The following POU2AF1 variants were observed in gnomAD, a reference collection of about 807,000 sequenced individuals.
POU2AF1 encodes the protein POU domain class 2-associating factor 1.
In POU2AF1, 12 loss-of-function variants were observed where a neutral mutation model predicts 26.3. The ratio of observed to expected loss-of-function variants is 0.46; its 90% CI spans 0.29 to 0.74. The LOEUF (loss-of-function observed/expected upper bound fraction) is 0.74, where lower values mean the gene tolerates loss of function less well. POU2AF1 is among the 30% of genes least tolerant of loss of function. POU2AF1 has a pLI of 0.09. For synonymous variants in POU2AF1, 175 were observed against 148.0 expected, an observed-to-expected ratio of 1.18 and a Z score of -1.32; for missense variants, 297 against 334.5, an observed-to-expected ratio of 0.89 and a Z score of 0.87.
intron 1 of POU2AF1, among the ~76,000 whole-genome samples, chr11:111,359,687 T>A (rs943811395): frequency 6.6e-6 from 1 of 152,218 alleles, no homozygotes; most frequent in Admixed American, 6.5e-5. Context: ...TTCAAAAAAA[T>A]TCAGTCTATT....
rs1426937711 is a variant in POU2AF1, at chr11:111,352,885, A to G, written c.*1376T>C. The G allele has an allele frequency of 1.1e-5, 2 of 176,400 alleles. No homozygotes were observed. Among genetic ancestry groups the G allele is most frequent in the Non-Finnish European group, 2.4e-5 (2 of 82,166 alleles). The allele number at this position is 176,400 out of a possible 1,614,324, so 10.9% of individuals were successfully genotyped here. On this transcript the variant is annotated 3_prime_UTR_variant, in exon 5 of 5. Coordinates refer to ENST00000393067, the MANE Select transcript of POU2AF1 (RefSeq NM_006235.3). ...GGAGACAGAGGTGCAGTGAGCCAAG[A>G]TCGCACCATTGTACTCCAGCCTGGG...
chr11:111,371,640 C>T (rs1053965188), intron 1 of POU2AF1, among the ~76,000 whole-genome samples: 2 of 152,106 alleles, frequency 1.3e-5, no homozygotes, highest in African/African-American at 2.4e-5. Context: ...AGAGGACATA[C>T]AAATTGTAAT....
chr11:111,355,369 C>A (rs1860823114), intron 4 of POU2AF1, among the ~76,000 whole-genome samples: 1 of 152,236 alleles, frequency 6.6e-6, no homozygotes, highest in Non-Finnish European at 1.5e-5. Context: ...CCCTCACAAA[C>A]CTCAGATCAG....
In POU2AF1 at chr11:111,374,116, A is replaced by ATTTTTTTTTTTTTTTTTTTTTT. The variant is rs60260380; in HGVS notation, c.16+5045_16+5046insAAAAAAAAAAAAAAAAAAAAAA. On this transcript the variant is annotated intron_variant, in intron 1 of 4. Transcript: ENST00000393067. The stretch of plus-strand genomic sequence containing the variant: ...TAATGAACAGCTGTAGGCAAACTTG[A>ATTTTTTTTTTTTTTTTTTTTTT]TTTTTTTTTTTTTTTTTTTTGGTTC... 1.8e-5 allele frequency among the ~76,000 whole-genome samples: 2 copies of ATTTTTTTTTTTTTTTTTTTTTT among 109,648 alleles called. 1 individual carries two copies. Among genetic ancestry groups the ATTTTTTTTTTTTTTTTTTTTTT allele is most frequent in the African/African-American group, 6.5e-5 (2 of 30,638 alleles). 71.9% of individuals were successfully genotyped at this position (109,648 alleles called of 152,430 possible).
intron 1 of POU2AF1, among the ~76,000 whole-genome samples, chr11:111,377,039 T>C (rs1487299445): frequency 6.6e-6 from 1 of 152,134 alleles, no homozygotes. Flanking sequence ...TTGATCTATC[T>C]GACTGGTCTC....
At chr11:111,363,876 ATCCAAGAG>A (rs1339695661) in intron 1 of POU2AF1, 21 of 985,298 alleles carry the variant, frequency 2.1e-5, no homozygotes, top group Non-Finnish European at 2.5e-5. Context: ...TCCCGTAGGT[ATCCAAGAG>A]TCCATCACGG....
chr11:111,375,188 AAAC>A (rs1388163725), intron 1 of POU2AF1, among the ~76,000 whole-genome samples: 2 of 152,304 alleles, frequency 1.3e-5, no homozygotes, highest in African/African-American at 2.4e-5. Flanking sequence ...TCCCTAATAC[AAAC>A]AACAACAATA....
chr11:111,360,445 C>A (rs1860984389), intron 1 of POU2AF1, among the ~76,000 whole-genome samples: 1 of 152,204 alleles, frequency 6.6e-6, no homozygotes, highest in African/African-American at 2.4e-5. Context: ...AAGGCCTGGC[C>A]TTGAAGCCCA....
rs1479184952 is a variant in POU2AF1 at position 111,358,789 on chromosome 11, G to A, written c.146C>T (p.Ala49Val). Residue 49 changes from alanine (A) to valine (V), a missense_variant and splice_region_variant, in exon 2 of 5, where the codon GCG becomes GTG. Transcript: ENST00000393067. ...ASSGAAPAPTAVVLPHQPLAT... is the reference protein window; with the variant it reads ...ASSGAAPAPTVVVLPHQPLAT... ...ACTCTCACACACACAAACTCTCACCGCCGTAGGTGCAGGTGCTGCCCCACT... is the reference window on the plus strand; with the variant it reads ...ACTCTCACACACACAAACTCTCACCACCGTAGGTGCAGGTGCTGCCCCACT... 1.9e-6 allele frequency: 3 copies of A among 1,587,124 alleles called. No individual in the cohort carries two copies. The highest frequency in any genetic ancestry group is 2.6e-6 in the Non-Finnish European group (3 of 1,170,738).
At chr11:111,363,836 T>G (rs1190062864) in intron 1 of POU2AF1, 1 of 985,280 alleles carries the variant, frequency 1.0e-6, no homozygotes, top group African/African-American at 1.7e-5. Context: ...TTCTCACCAT[T>G]AATCCTGTGG....
intron 1 of POU2AF1, among the ~76,000 whole-genome samples, chr11:111,362,726 A>G (rs1202555592): frequency 6.6e-6 from 1 of 152,128 alleles, no homozygotes; most frequent in African/African-American, 2.4e-5. Flanking sequence ...AGTCTGAGGC[A>G]TTGTGTACTC....
In POU2AF1 at chr11:111,354,472, G is replaced by C; in HGVS notation, c.560C>G (p.Pro187Arg). The change falls in exon 5 of 5, where the codon CCC (proline) becomes CGC (arginine). Residue 187 changes from proline (P) to arginine (R), a missense_variant. Coordinates refer to ENST00000393067, the MANE Select transcript of POU2AF1 (RefSeq NM_006235.3). Reference sequence around the variant, plus strand: ...AGGCTGGTACTGCAGGGTGGAGGTGGGTAGTGTGGAAAGGGGCTGAGGCCA... The same window carrying C: ...AGGCTGGTACTGCAGGGTGGAGGTGCGTAGTGTGGAAAGGGGCTGAGGCCA... Reference protein sequence around the residue: ...FPWPQPLSTLPTSTLQYQPPA... With the variant: ...FPWPQPLSTLRTSTLQYQPPA... The C allele has an allele frequency of 6.2e-7, 1 of 1,611,208 alleles. No individual in the cohort carries two copies. The highest frequency in any genetic ancestry group is 8.5e-7 in the Non-Finnish European group (1 of 1,178,998).
intron 1 of POU2AF1, among the ~76,000 whole-genome samples, chr11:111,364,928 T>C (rs1357275253): frequency 6.6e-6 from 1 of 152,248 alleles, no homozygotes; most frequent in Admixed American, 6.5e-5. Context: ...GATCTGTAGT[T>C]AGGCAGCTGG....
At chr11:111,375,482 C>T (rs533996433) in intron 1 of POU2AF1, among the ~76,000 whole-genome samples, 21 of 131,298 alleles carry the variant, frequency 1.6e-4, no homozygotes, top group Middle Eastern at 5.4e-3. Context: ...CTGTAAGCTC[C>T]GCCTCCCGGG....
chr11:111,374,531 C>T (rs1314067861), intron 1 of POU2AF1, among the ~76,000 whole-genome samples: 1 of 152,122 alleles, frequency 6.6e-6, no homozygotes, highest in Non-Finnish European at 1.5e-5. Flanking sequence ...ACTCCATCTC[C>T]AATGAAAATG....
intron 4 of POU2AF1, among the ~76,000 whole-genome samples, chr11:111,356,612 C>A (rs749605197): frequency 5.3e-5 from 8 of 152,216 alleles, no homozygotes; most frequent in Admixed American, 2.6e-4. Flanking sequence ...GTCCTTTAGT[C>A]GAACAGGAAT....
chr11:111,374,902 C>A (rs912090707), intron 1 of POU2AF1, among the ~76,000 whole-genome samples: 1 of 152,180 alleles, frequency 6.6e-6, no homozygotes, highest in Non-Finnish European at 1.5e-5. Flanking sequence ...TTTTACTTAT[C>A]TTTAACTGCC....
At chr11:111,374,423 G>A (rs563644197) in intron 1 of POU2AF1, among the ~76,000 whole-genome samples, 3 of 152,294 alleles carry the variant, frequency 2.0e-5, no homozygotes, top group East Asian at 1.9e-4. Flanking sequence ...TTGGCCAGGC[G>A]TGGTGGTTCA....
chr11:111,356,483 G>A (rs1217518999), intron 4 of POU2AF1, among the ~76,000 whole-genome samples: 2 of 152,222 alleles, frequency 1.3e-5, no homozygotes, highest in Non-Finnish European at 2.9e-5. Flanking sequence ...CACCACCATC[G>A]AAGGTGGGCT....
Sources: gnomAD v4.1 joint callset for allele counts (sites outside exome capture counted in the v4.1 genomes callset) on GRCh38, gnomAD v4.1.1 for gene constraint, MANE v1.5 for transcripts, NCBI Gene and HGNC (gene_info 2026-07-23, HGNC 2026-07-21) for gene names.